PACSIN2: variants seen among roughly 807,000 people sequenced by gnomAD.
PACSIN2 encodes the protein protein kinase C and casein kinase substrate in neurons protein 2.
PACSIN2 carries 25 observed loss-of-function variants against 63.8 expected under a neutral mutation model. That is an observed-to-expected ratio of 0.39 (90% CI 0.29 to 0.55). PACSIN2 has a LOEUF of 0.55. Ranked by LOEUF, PACSIN2 falls within the 20% of genes least tolerant of loss-of-function variation. PACSIN2 has a pLI of 0.62. For synonymous variants in PACSIN2, 255 were observed against 256.2 expected (o/e 1.00, Z 0.05); for missense variants, 518 against 646.9 (o/e 0.80, Z 2.16).
intron 1 of PACSIN2, chr22:42,993,865 A>C (rs1350660949): frequency 1.4e-5 from 2 of 144,838 alleles, no homozygotes; most frequent in African/African-American, 5.8e-5. Flanking sequence ...AAGAAATCAC[A>C]AGAAGAATGT....
intron 5 of PACSIN2, among the ~76,000 whole-genome samples, chr22:42,887,604 G>C (rs1483749485): frequency 1.3e-5 from 2 of 152,018 alleles, no homozygotes. Flanking sequence ...GCAGGCCCTC[G>C]GCAATCACAC....
At chr22:42,937,603 G>A (rs970193158) in intron 1 of PACSIN2, among the ~76,000 whole-genome samples, 1 of 152,130 alleles carries the variant, frequency 6.6e-6, no homozygotes, top group Non-Finnish European at 1.5e-5. Context: ...AAGGAGCCCT[G>A]TGCAAGCAGT....
intron 1 of PACSIN2, among the ~76,000 whole-genome samples, chr22:42,970,970 T>C (rs1229161900): frequency 6.6e-6 from 1 of 152,106 alleles, no homozygotes; most frequent in Non-Finnish European, 1.5e-5. Flanking sequence ...TCCACAGCCC[T>C]CTCTGCTACA....
intron 5 of PACSIN2, among the ~76,000 whole-genome samples, chr22:42,887,293 T>C (rs766040797): frequency 2.6e-5 from 4 of 152,198 alleles, no homozygotes; most frequent in Non-Finnish European, 5.9e-5. Context: ...ACCGACGGCA[T>C]AGCAGTGAGG....
intron 8 of PACSIN2, among the ~76,000 whole-genome samples, chr22:42,878,352 G>A (rs1928807188): frequency 6.6e-6 from 1 of 152,202 alleles, no homozygotes; most frequent in Admixed American, 6.5e-5. Context: ...TGGGGCTGCA[G>A]GAAGGCCAAG....
chr22:42,985,693 C>G (rs535466356), intron 1 of PACSIN2, among the ~76,000 whole-genome samples: 1 of 152,358 alleles, frequency 6.6e-6, no homozygotes, highest in Admixed American at 6.5e-5. Flanking sequence ...CCAGCTCCAG[C>G]TGGTTTTTAA....
chr22:42,904,130 TAGAA>T (rs1378854703), intron 2 of PACSIN2, among the ~76,000 whole-genome samples: 7 of 152,028 alleles, frequency 4.6e-5, no homozygotes, highest in African/African-American at 1.7e-4. Context: ...ATAGACAACA[TAGAA>T]AGAAAGGATG....
chr22:42,872,634 C>G (rs1434167073), intron 10 of PACSIN2, among the ~76,000 whole-genome samples: 1 of 152,244 alleles, frequency 6.6e-6, no homozygotes, highest in African/African-American at 2.4e-5. Context: ...AATCCCACAG[C>G]CATCACTCAC....
chr22:43,000,623 C>G (rs564813906), intron 1 of PACSIN2, among the ~76,000 whole-genome samples: 1 of 152,296 alleles, frequency 6.6e-6, no homozygotes, highest in Non-Finnish European at 1.5e-5. Flanking sequence ...ACCCAAAAAA[C>G]TTTAAGGAAG....
At chr22:42,873,798 CTT>C (rs11386127) in intron 10 of PACSIN2, among the ~76,000 whole-genome samples, 6 of 145,624 alleles carry the variant, frequency 4.1e-5, no homozygotes, top group Non-Finnish European at 4.5e-5. Context: ...ATTTTCTTTC[CTT>C]TTTTTTTTTT....
rs767989404 is a variant in PACSIN2, at chr22:42,876,150, C to G, written c.1335G>C (p.Leu445=). 2 of 1,612,236 alleles carry G rather than the reference C, an allele frequency of 1.2e-6. No homozygotes were observed. The highest frequency in any genetic ancestry group is 2.2e-5 in the South Asian group (2 of 91,066). Residue 445 remains leucine (L), a synonymous_variant, in exon 10 of 11, where the codon CTG becomes CTC. Coordinates refer to ENST00000263246, the MANE Select transcript of PACSIN2 (RefSeq NM_001184970.3). ...GAGCCCACCTACCAGCCTTGAAGCTCAGCTCATCATGCTCCTGCCCCTCAT... is the reference window on the plus strand; with the variant it reads ...GAGCCCACCTACCAGCCTTGAAGCTGAGCTCATCATGCTCCTGCCCCTCAT... ...YDYEGQEHDE[L]SFKAGDELTK...
intron 1 of PACSIN2, among the ~76,000 whole-genome samples, chr22:42,919,401 A>T (rs1932018759): frequency 6.6e-6 from 1 of 152,204 alleles, no homozygotes; most frequent in African/African-American, 2.4e-5. Flanking sequence ...CTTTCCAAGG[A>T]CAGGGACTCA....
chr22:42,871,588 C>T lies in PACSIN2; in HGVS notation c.1349-119G>A. 2 of 787,226 alleles carry T rather than the reference C, an allele frequency of 2.5e-6. No individual in the cohort carries two copies. Among genetic ancestry groups the T allele is most frequent in the South Asian group, 2.9e-5 (2 of 69,832 alleles). 48.8% of individuals were successfully genotyped at this position (787,226 alleles called of 1,614,324 possible). ...GGAGGGCCAGGCATTCTGTGGCGGG[C>T]AGGCCGAGGGCCTGGTCATTTCTCT... is the stretch of plus-strand genomic sequence containing the variant. On this transcript the variant is annotated intron_variant, in intron 10 of 10. Transcript: ENST00000263246. This position sits in a 1 kb window ranked among gnomAD's most constrained non-coding sequence, Gnocchi z 5.4.
rs1364238329 is a variant in PACSIN2 at position 42,892,393 on chromosome 22, CG to C, written c.217+1063del. ...GCTTGGAGACAACAGAGAACAGCCC[CG>C]GAAGTTGGACCTCTCTGTGCCTTCG... On this transcript the variant is annotated intron_variant, in intron 3 of 10. Coordinates refer to ENST00000263246, the MANE Select transcript of PACSIN2 (RefSeq NM_001184970.3). Among the ~76,000 whole-genome samples the C allele has an allele frequency of 2.0e-5, 3 of 152,238 alleles. No individual in the cohort carries two copies. The East Asian group carries it at 5.8e-4, about 29-fold the overall frequency.
rs568540336 is a variant in PACSIN2, at chr22:42,880,818, C to T, written c.906+1366G>A. On this transcript the variant is annotated intron_variant, in intron 7 of 10. Transcript: ENST00000263246. ...TCAAATAGTCCTCCCCACTGTGCCCCTCTTTGGGTATAATGGGCACCTCTA... is the reference window on the plus strand; with the variant it reads ...TCAAATAGTCCTCCCCACTGTGCCCTTCTTTGGGTATAATGGGCACCTCTA... 3.9e-5 allele frequency among the ~76,000 whole-genome samples: 5 copies of T among 126,656 alleles called. No individual in the cohort carries two copies. In the South Asian group the frequency reaches 7.9e-4, roughly 20 times the overall value. The allele number at this position is 126,656 out of a possible 152,430, so 83.1% of individuals were successfully genotyped here. A position where few individuals can be genotyped will look rare whatever the true frequency, so the allele number is the denominator to read the frequency against.
At chr22:42,925,779 C>T (rs538673663) in intron 1 of PACSIN2, among the ~76,000 whole-genome samples, 85 of 152,328 alleles carry the variant, frequency 5.6e-4, no homozygotes, top group African/African-American at 1.9e-3. Context: ...TTAGCAACCA[C>T]GGTTGGGGGC....
At chr22:42,932,161 A>G (rs1431611411) in intron 1 of PACSIN2, among the ~76,000 whole-genome samples, 3 of 152,132 alleles carry the variant, frequency 2.0e-5, no homozygotes, top group African/African-American at 7.2e-5. Context: ...TCTCTGTCCC[A>G]GCACAGGATC....
chr22:42,900,495 A>G (rs1930609225), intron 2 of PACSIN2, among the ~76,000 whole-genome samples: 1 of 152,136 alleles, frequency 6.6e-6, no homozygotes, highest in Non-Finnish European at 1.5e-5. Flanking sequence ...TTATTATTTT[A>G]TTTGCGAGAA....
intron 2 of PACSIN2, among the ~76,000 whole-genome samples, chr22:42,894,932 AG>A (rs1222575969): frequency 1.3e-5 from 2 of 151,916 alleles, no homozygotes; most frequent in Non-Finnish European, 2.9e-5. Context: ...AGGGGAGGGA[AG>A]GGGGCTGCAG....
Sources: gnomAD v4.1 joint callset for allele counts (sites outside exome capture counted in the v4.1 genomes callset) on GRCh38, gnomAD v4.1.1 for gene constraint, Gnocchi (gnomAD v3.1) non-coding constraint, MANE v1.5 for transcripts, NCBI Gene and HGNC (gene_info 2026-07-23, HGNC 2026-07-21) for gene names.